Variants in MBD3 observed in about 807,000 individuals in gnomAD.
The protein encoded by MBD3 is methyl-CpG-binding domain protein 3.
A neutral mutation model predicts 31.2 loss-of-function variants in MBD3; 13 were observed. The observed-to-expected ratio is 0.42, with a 90% CI of 0.27 to 0.66. MBD3 has a LOEUF of 0.66. Ranked by LOEUF, MBD3 falls within the 30% of genes least tolerant of loss-of-function variation. MBD3 has a pLI of 0.26. For missense variants in MBD3, 440 were observed against 426.5 expected (o/e 1.03, Z -0.28); for synonymous variants, 223 against 187.4 (o/e 1.19, Z -1.55).
chr19:1,579,181 C>CAAA lies in MBD3; in HGVS notation c.678-646_678-644dup, dbSNP rs57070800. ...CATGGGCAACAGAGCCAGATTCTGC[C>CAAA]AAAAAAAAAAAAAAAAAAAAAAAAA... is the stretch of plus-strand genomic sequence containing the variant. On this transcript the variant is annotated intron_variant, in intron 5 of 6. Transcript: ENST00000434436. 3.3e-4 allele frequency among the ~76,000 whole-genome samples: 7 copies of CAAA among 21,520 alleles called. 1 individual carries two copies. The highest frequency in any genetic ancestry group is 6.1e-4 in the African/African-American group (3 of 4,950). The allele number at this position is 21,520 out of a possible 152,430, so 14.1% of individuals were successfully genotyped here. A position where few individuals can be genotyped will look rare whatever the true frequency, so the allele number is the denominator to read the frequency against.
At chr19:1,581,009 C>T in intron 5 of MBD3, 83 bp downstream of exon 5, 1 of 1,532,688 alleles carries the variant, frequency 6.5e-7, no homozygotes, top group Admixed American at 1.7e-5. Context: ...AGACGGGAAG[C>T]ACGCAGGCAC....
intron 2 of MBD3, 47 bp from the exon 3 acceptor site, chr19:1,584,724 CG>C: frequency 1.3e-6 from 2 of 1,587,320 alleles, no homozygotes; most frequent in African/African-American, 1.3e-5. Flanking sequence ...GCCCCGGCGG[CG>C]CGGAGCCTCA....
chr19:1,584,936 G>C, intron 2 of MBD3, 119 bp downstream of exon 2: 1 of 1,399,320 alleles, frequency 7.1e-7, no homozygotes, highest in Non-Finnish European at 9.8e-7. Context: ...TGTGCCCTCC[G>C]CCCGCTGTGA....
In MBD3 at chr19:1,584,616, G is replaced by A. The variant is rs1568276044; in HGVS notation, c.332C>T (p.Pro111Leu). 1.9e-6 allele frequency: 3 copies of A among 1,613,884 alleles called. No homozygotes were observed. The highest frequency in any genetic ancestry group is 2.5e-6 in the Non-Finnish European group (3 of 1,179,928). Residue 111 changes from proline (P) to leucine (L), a missense_variant, in exon 3 of 7, where the codon CCG becomes CTG. Physicochemically the swap from Pro to Leu is moderately conservative, Grantham distance 98. This residue lies in a region of MBD3 where 144 missense variants were observed against 196.9 expected (regional missense o/e 0.73). Coordinates refer to ENST00000434436, the MANE Select transcript of MBD3 (RefSeq NM_001281453.2). ...VRQTASIFKQ[P>L]VTKITNHPSN... ...GGGGTGGTTGGTAATCTTGGTCACCGGCTGCTTGAAGATGGACGCCGTCTG... is the reference window on the plus strand; with the variant it reads ...GGGGTGGTTGGTAATCTTGGTCACCAGCTGCTTGAAGATGGACGCCGTCTG...
Position 1,592,649 on chromosome 19 carries a change from CCCGCCGCCGGGCCCG to C in MBD3, c.-33_-19del, listed in dbSNP as rs1406128174. 5.1e-6 allele frequency: 6 copies of C among 1,167,384 alleles called. No homozygotes were observed. The highest frequency in any genetic ancestry group is 3.3e-5 in the African/African-American group (2 of 60,838). The allele number at this position is 1,167,384 out of a possible 1,614,324, so 72.3% of individuals were successfully genotyped here. A position where few individuals can be genotyped will look rare whatever the true frequency, so the allele number is the denominator to read the frequency against. On this transcript the variant is annotated 5_prime_UTR_variant, in exon 1 of 7. Coordinates refer to ENST00000434436, the MANE Select transcript of MBD3 (RefSeq NM_001281453.2). The stretch of plus-strand genomic sequence containing the variant: ...CGCTCCATTGCGCCCGGCTCCTCGG[CCCGCCGCCGGGCCCG>C]CCGCCGCCGCCCGGACCCCCACTCG...
rs867866201 is a variant in MBD3 at position 1,592,459 on chromosome 19, G to C, written c.110+63C>G. The stretch of plus-strand genomic sequence containing the variant: ...CGCGGCCCGGGGCAGGGGCGCCGAG[G>C]CCGCCGCAGAGGCCGCTGGGAGGAG... On this transcript the variant is annotated intron_variant, in intron 1 of 6. Coordinates refer to ENST00000434436, the MANE Select transcript of MBD3 (RefSeq NM_001281453.2). 305 of 864,122 alleles carry C rather than the reference G, an allele frequency of 3.5e-4. 2 individuals are homozygous for C. The Middle Eastern group carries it at 3.9e-3, about 11-fold the overall frequency. 53.5% of individuals were successfully genotyped at this position (864,122 alleles called of 1,614,324 possible). A position where few individuals can be genotyped will look rare whatever the true frequency, so the allele number is the denominator to read the frequency against.
In MBD3 at chr19:1,585,293, A is replaced by G; in HGVS notation, c.111-79T>C. 1 of 1,477,374 alleles carries G rather than the reference A, an allele frequency of 6.8e-7. No homozygotes were observed. The highest frequency in any genetic ancestry group is 9.1e-7 in the Non-Finnish European group (1 of 1,101,382). 91.5% of individuals were successfully genotyped at this position (1,477,374 alleles called of 1,614,324 possible). On this transcript the variant is annotated intron_variant, in intron 1 of 6. Coordinates refer to ENST00000434436, the MANE Select transcript of MBD3 (RefSeq NM_001281453.2). This position sits in a 1 kb window ranked among gnomAD's most constrained non-coding sequence, Gnocchi z 4.1. ...AGGCCTCGGCCGCAGACCCAAACCC[A>G]GTCCCAGCCCCAGCTTCAGGTCGCG...
chr19:1,578,225 G>A lies in MBD3; in HGVS notation c.*6-67C>T, dbSNP rs539819926. 2.0e-5 allele frequency: 30 copies of A among 1,523,566 alleles called. 1 individual carries two copies. In the South Asian group the frequency reaches 3.0e-4, roughly 15 times the overall value. 94.4% of individuals were successfully genotyped at this position (1,523,566 alleles called of 1,614,324 possible). A position where few individuals can be genotyped will look rare whatever the true frequency, so the allele number is the denominator to read the frequency against. On this transcript the variant is annotated intron_variant, in intron 6 of 6. Transcript: ENST00000434436. The surrounding 1 kb of genome is among the most constrained non-coding windows in gnomAD (Gnocchi z 6.1). ...ACGGGGACGCTTGGGCTCTTCTAGG[G>A]AGATGGGAAGCTCTTGGGAGGCACC...
chr19:1,580,942 C>T (rs1397925773), intron 5 of MBD3, 150 bp downstream of exon 5: 4 of 1,007,418 alleles, frequency 4.0e-6, no homozygotes, highest in East Asian at 2.6e-5. Context: ...ACTGCTCCGA[C>T]GATGGGTCCC....
In MBD3 at chr19:1,592,637, C is replaced by T; in HGVS notation, c.-6G>A. 1 of 1,251,276 alleles carries T rather than the reference C, an allele frequency of 8.0e-7. No homozygotes were observed. The highest frequency in any genetic ancestry group is 1.6e-5 in the South Asian group (1 of 61,572). The allele number at this position is 1,251,276 out of a possible 1,614,324, so 77.5% of individuals were successfully genotyped here. A position where few individuals can be genotyped will look rare whatever the true frequency, so the allele number is the denominator to read the frequency against. Reference sequence around the variant, plus strand: ...TCCCACCTCTTCCGCTCCATTGCGCCCGGCTCCTCGGCCCGCCGCCGGGCC... The same window carrying T: ...TCCCACCTCTTCCGCTCCATTGCGCTCGGCTCCTCGGCCCGCCGCCGGGCC... On this transcript the variant is annotated 5_prime_UTR_variant, in exon 1 of 7. Coordinates refer to ENST00000434436, the MANE Select transcript of MBD3 (RefSeq NM_001281453.2).
rs765462589 is a variant in MBD3, at chr19:1,581,182, A to G, written c.587T>C (p.Leu196Pro). ...HTSTMPITGQLSAAVEKNPGV... is the reference protein window; with the variant it reads ...HTSTMPITGQPSAAVEKNPGV... Reference sequence around the variant, plus strand: ...GGGGTTCTTCTCCACGGCGGCCGAGAGCTGTCCCGTGATGGGCATGGTGCT... The same window carrying G: ...GGGGTTCTTCTCCACGGCGGCCGAGGGCTGTCCCGTGATGGGCATGGTGCT... The change falls in exon 5 of 7, where the codon CTC (leucine) becomes CCC (proline). Residue 196 changes from leucine (L) to proline (P), a missense_variant. By Grantham distance (98) the Leu-to-Pro change is moderately conservative (BLOSUM62 -3). Around this residue, in one of 3 missense-constraint regions of MBD3, gnomAD observed 144 missense variants for 196.9 expected, o/e 0.73. Transcript: ENST00000434436. 1.9e-6 allele frequency: 3 copies of G among 1,613,980 alleles called. No homozygotes were observed. In the East Asian group the frequency reaches 6.7e-5, roughly 36 times the overall value.
rs763756506 is a variant in MBD3, at chr19:1,578,418, G to A, written c.798C>T (p.Cys266=). 2.5e-6 allele frequency: 4 copies of A among 1,605,152 alleles called. No homozygotes were observed. The highest frequency in any genetic ancestry group is 1.7e-5 in the Admixed American group (1 of 59,978). Residue 266 remains cysteine (C), a synonymous_variant, in exon 6 of 7, where the codon TGC becomes TGT. Coordinates refer to ENST00000434436, the MANE Select transcript of MBD3 (RefSeq NM_001281453.2). This position sits in a 1 kb window ranked among gnomAD's most constrained non-coding sequence, Gnocchi z 6.1. ...CGTCTTCCTCGTCGTCGTCCTCAGC[G>A]CAGGCCTTGTCCAGCGGCGCCTCCC... ...RDGEAPLDKA[C]AEDDDEEDEE...
Position 1,581,176 on chromosome 19 carries a change from G to C in MBD3, c.593C>G (p.Ala198Gly), listed in dbSNP as rs1599341148. 6.2e-7 allele frequency: 1 copy of C among 1,613,980 alleles called. No homozygotes were observed. The highest frequency in any genetic ancestry group is 1.7e-5 in the Admixed American group (1 of 59,992). ...STMPITGQLS[A>G]AVEKNPGVWL... is the part of the protein sequence containing the mutation. The stretch of plus-strand genomic sequence containing the variant: ...TACGCCGGGGTTCTTCTCCACGGCG[G>C]CCGAGAGCTGTCCCGTGATGGGCAT... Residue 198 changes from alanine (A) to glycine (G), a missense_variant, in exon 5 of 7, where the codon GCC becomes GGC. Coordinates refer to ENST00000434436, the MANE Select transcript of MBD3 (RefSeq NM_001281453.2).
In MBD3 at chr19:1,584,648, G is replaced by A. The variant is rs1474183201; in HGVS notation, c.300C>T (p.Pro100=). The change falls in exon 3 of 7, where the codon CCC becomes CCT. Residue 100 remains proline (P), a synonymous_variant. Coordinates refer to ENST00000434436, the MANE Select transcript of MBD3 (RefSeq NM_001281453.2). ...KGKPDLNTAL[P]VRQTASIFKQ... Reference sequence around the variant, plus strand: ...TGAAGATGGACGCCGTCTGGCGCACGGGCAGCGCCGTGTTCAGGTCGGGCT... The same window carrying A: ...TGAAGATGGACGCCGTCTGGCGCACAGGCAGCGCCGTGTTCAGGTCGGGCT... The A allele has an allele frequency of 6.2e-7, 1 of 1,613,190 alleles. No homozygotes were observed. Among genetic ancestry groups the A allele is most frequent in the African/African-American group, 1.3e-5 (1 of 74,930 alleles).
At chr19:1,589,639 C>T (rs573069539) in intron 1 of MBD3, among the ~76,000 whole-genome samples, 2 of 152,030 alleles carry the variant, frequency 1.3e-5, no homozygotes, top group South Asian at 2.1e-4. Flanking sequence ...GGTGACAAAG[C>T]GGGACTACTT....
chr19:1,592,533 G>C lies in MBD3; in HGVS notation c.99C>G (p.Val33=), dbSNP rs1477034924. 16 of 1,430,976 alleles carry C rather than the reference G, an allele frequency of 1.1e-5. No homozygotes were observed. Among genetic ancestry groups the C allele is most frequent in the Non-Finnish European group, 1.4e-5 (15 of 1,068,214 alleles). 88.6% of individuals were successfully genotyped at this position (1,430,976 alleles called of 1,614,324 possible). ...GCGCGCTCATTCACCTATAGTAAAA[G>C]ACATCCCTGTGGCCGGCCGACAGCC... ...RSGLSAGHRD[V]FYYSPSGKKF... is the part of the protein sequence containing the mutation. Residue 33 remains valine, a synonymous_variant, in exon 1 of 7, where the codon GTC becomes GTG. Transcript: ENST00000434436.
Position 1,592,502 on chromosome 19 carries a change from C to T in MBD3, c.110+20G>A, listed in dbSNP as rs750106044. 6.7e-6 allele frequency: 9 copies of T among 1,346,392 alleles called. No individual in the cohort carries two copies. Among genetic ancestry groups the T allele is most frequent in the Non-Finnish European group, 8.9e-6 (9 of 1,011,352 alleles). 83.4% of individuals were successfully genotyped at this position (1,346,392 alleles called of 1,614,324 possible). On this transcript the variant is annotated intron_variant, in intron 1 of 6. Transcript: ENST00000434436. ...GGGAGGAGCCCGTTGAGGCCCTGCGCGGCCGGCGCGCTCATTCACCTATAG... is the reference window on the plus strand; with the variant it reads ...GGGAGGAGCCCGTTGAGGCCCTGCGTGGCCGGCGCGCTCATTCACCTATAG...
At chr19:1,590,584 T>G (rs11673518) in intron 1 of MBD3, among the ~76,000 whole-genome samples, 23,480 of 152,164 alleles carry the variant, frequency 0.15, 2,086 homozygotes, top group Non-Finnish European at 0.2. Flanking sequence ...ACCACTGCAC[T>G]CCAGCCTGGG....
At chr19:1,582,084 T>C (rs370366957) in intron 4 of MBD3, among the ~76,000 whole-genome samples, 6 of 152,216 alleles carry the variant, frequency 3.9e-5, no homozygotes, top group East Asian at 1.9e-4. Context: ...GTATTTTCTG[T>C]AGAGATGGGG....
Sources: allele counts gnomAD v4.1 joint callset (sites outside exome capture counted in the v4.1 genomes callset), GRCh38; gene constraint gnomAD v4.1.1; regional missense constraint gnomAD v4.1.1; non-coding constraint Gnocchi (gnomAD v3.1); transcripts MANE v1.5; gene names NCBI Gene and HGNC (gene_info 2026-07-23, HGNC 2026-07-21).